MYO9A: variants seen among roughly 807,000 people sequenced by gnomAD.
MYO9A encodes myosin IXA.
In MYO9A, 103 loss-of-function variants were observed where a neutral mutation model predicts 293.3. The observed-to-expected ratio is 0.35, with a 90% CI of 0.30 to 0.41. MYO9A has a LOEUF of 0.41. Among genes scored for constraint, MYO9A ranks in the 10% least tolerant of loss-of-function variants. The probability of loss-of-function intolerance (pLI) is 1.00; values close to 1 mark genes in which losing one functional copy is unlikely to be tolerated. For missense variants in MYO9A, 2,685 were observed against 3,033.0 expected, an observed-to-expected ratio of 0.89 and a Z score of 2.69; for synonymous variants, 1,001 against 1,035.7, an observed-to-expected ratio of 0.97 and a Z score of 0.64.
At chr15:71,975,752 TCTCA>T (rs1443109365) in intron 12 of MYO9A, among the ~76,000 whole-genome samples, 2 of 152,154 alleles carry the variant, frequency 1.3e-5, no homozygotes, top group African/African-American at 2.4e-5. Context: ...TTACTGGGTT[TCTCA>T]CTCAGTCTAT....
chr15:71,836,003 A>C (rs1274685901), intron 39 of MYO9A, among the ~76,000 whole-genome samples: 1 of 152,074 alleles, frequency 6.6e-6, no homozygotes, highest in Non-Finnish European at 1.5e-5. Flanking sequence ...CTTAAACATG[A>C]CTTTAAAAGG....
chr15:71,884,960 T>C (rs1397310688), intron 27 of MYO9A, among the ~76,000 whole-genome samples: 1 of 96,178 alleles, frequency 1.0e-5, no homozygotes, highest in African/African-American at 8.6e-5. Flanking sequence ...TCTTTCTTCC[T>C]TTTTTTTTTT....
At chr15:71,950,709 T>C (rs1170417353) in intron 15 of MYO9A, among the ~76,000 whole-genome samples, 1 of 152,226 alleles carries the variant, frequency 6.6e-6, no homozygotes, top group Admixed American at 6.5e-5. Context: ...AAGACAGCAA[T>C]GGCAATTGAA....
At chr15:71,990,231 T>G (rs974401045) in intron 11 of MYO9A, among the ~76,000 whole-genome samples, 14 of 151,726 alleles carry the variant, frequency 9.2e-5, no homozygotes, top group African/African-American at 3.1e-4. Context: ...ACAACTGGCA[T>G]GCAATACCAC....
At chr15:71,846,130 G>C (rs983464810) in intron 39 of MYO9A, among the ~76,000 whole-genome samples, 3 of 152,182 alleles carry the variant, frequency 2.0e-5, no homozygotes, top group Non-Finnish European at 4.4e-5. Flanking sequence ...GCCAGAAGAT[G>C]TAACCATATC....
rs933294807 is a variant in MYO9A, at chr15:71,824,916, G to GGAGA, written c.*1660_*1663dup. 6.6e-6 allele frequency: 1 copy of GGAGA among 152,132 alleles called. No homozygotes were observed. The highest frequency in any genetic ancestry group is 2.4e-5 in the African/African-American group (1 of 41,422). 9.4% of individuals were successfully genotyped at this position (152,132 alleles called of 1,614,324 possible). A position where few individuals can be genotyped will look rare whatever the true frequency, so the allele number is the denominator to read the frequency against. On this transcript the variant is annotated 3_prime_UTR_variant, in exon 42 of 42. Transcript: ENST00000356056. Reference sequence around the variant, plus strand: ...GCGTGAGGTTCAGTGTTGTGTAACAGGAGAGAGAGACTCTGCCTTAACAAA... The same window carrying GGAGA: ...GCGTGAGGTTCAGTGTTGTGTAACAGGAGAGAGAGAGAGACTCTGCCTTAACAAA...
At chr15:72,028,950 G>T (rs1206202565) in intron 3 of MYO9A, among the ~76,000 whole-genome samples, 1 of 152,212 alleles carries the variant, frequency 6.6e-6, no homozygotes, top group African/African-American at 2.4e-5. Flanking sequence ...AGTAGAGAAA[G>T]GAGATAATCT....
chr15:71,860,936 C>G (rs1312417469), intron 33 of MYO9A, among the ~76,000 whole-genome samples: 1 of 112,158 alleles, frequency 8.9e-6, no homozygotes, highest in East Asian at 3.0e-4. Flanking sequence ...CAATGCACTC[C>G]AGTCTGGGCA....
chr15:72,012,487 G>A (rs1173414555), intron 6 of MYO9A, among the ~76,000 whole-genome samples: 2 of 151,898 alleles, frequency 1.3e-5, no homozygotes, highest in Non-Finnish European at 2.9e-5. Flanking sequence ...TAGTAGAGAC[G>A]GGGTTTTACC....
intron 15 of MYO9A, among the ~76,000 whole-genome samples, chr15:71,950,551 T>C (rs1725557961): frequency 6.6e-6 from 1 of 152,272 alleles, no homozygotes; most frequent in Non-Finnish European, 1.5e-5. Context: ...TGAGGATTTG[T>C]TACATTCCTC....
chr15:72,084,511 A>T (rs760265861), intron 1 of MYO9A, among the ~76,000 whole-genome samples: 13 of 152,276 alleles, frequency 8.5e-5, no homozygotes, highest in Non-Finnish European at 1.8e-4. Flanking sequence ...TGATACTGAC[A>T]TCATGATGTT....
chr15:71,973,798 G>A (rs776098945), intron 12 of MYO9A, among the ~76,000 whole-genome samples: 3 of 152,190 alleles, frequency 2.0e-5, no homozygotes, highest in African/African-American at 4.8e-5. Context: ...TCCATGAAAT[G>A]AGCAGATATG....
chr15:71,893,418 T>G, intron 26 of MYO9A: 1 of 490,720 alleles, frequency 2.0e-6, no homozygotes, highest in Non-Finnish European at 3.6e-6. Context: ...GCCAAAGAAG[T>G]CATCTTTCAC....
At chr15:71,836,277 A>ATATATATATATATATATATATATAT (rs1567181551) in intron 39 of MYO9A, among the ~76,000 whole-genome samples, 9 of 152,066 alleles carry the variant, frequency 5.9e-5, no homozygotes, top group African/African-American at 2.2e-4. Flanking sequence ...ATATATACAC[A>ATATATATATATATATATATATATAT]CACATTATAC....
At chr15:71,860,062 C>G (rs1403587227) in intron 33 of MYO9A, among the ~76,000 whole-genome samples, 1 of 152,128 alleles carries the variant, frequency 6.6e-6, no homozygotes, top group East Asian at 1.9e-4. Context: ...CATCCTGCCC[C>G]TATGCCATAC....
At chr15:72,109,405 T>C (rs28651063) in intron 1 of MYO9A, among the ~76,000 whole-genome samples, 3 of 142,816 alleles carry the variant, frequency 2.1e-5, no homozygotes, top group African/African-American at 8.0e-5. Context: ...AAAAAAAAAA[T>C]ACACACACAC....
chr15:71,883,612 C>T lies in MYO9A; in HGVS notation c.5380G>A (p.Ala1794Thr), dbSNP rs1305066107. 1 of 1,612,696 alleles carries T rather than the reference C, an allele frequency of 6.2e-7. No homozygotes were observed. The highest frequency in any genetic ancestry group is 8.5e-7 in the Non-Finnish European group (1 of 1,179,558). The part of the protein sequence containing the change: ...PLFAGTDVIP[A>T]HQFPDELAAY... ...CTTTTACCATCTGGAAACTGATGAGCTGGAATCACATCTGTGCCTGCAAAG... is the reference window on the plus strand; with the variant it reads ...CTTTTACCATCTGGAAACTGATGAGTTGGAATCACATCTGTGCCTGCAAAG... Residue 1794 changes from alanine to threonine, a missense_variant, in exon 28 of 42, where the codon GCT becomes ACT. Ala to Thr is a moderately conservative substitution (Grantham distance 58). Around this residue, in one of 10 missense-constraint regions of MYO9A, gnomAD observed 1,434 missense variants for 1,497.7 expected, o/e 0.96. Transcript: ENST00000356056.
intron 1 of MYO9A, among the ~76,000 whole-genome samples, chr15:72,073,492 A>G (rs1328370392): frequency 6.6e-6 from 1 of 152,220 alleles, no homozygotes; most frequent in African/African-American, 2.4e-5. Flanking sequence ...AACTTAAAAT[A>G]TATTCCATGG....
chr15:72,118,292 T>C (rs1169639549), upstream of MYO9A: 1 of 273,398 alleles, frequency 3.7e-6, no homozygotes, highest in Non-Finnish European at 6.8e-6. Flanking sequence ...CGCCCAAATT[T>C]TTTCTTCTTC....
Sources: gnomAD v4.1 joint callset for allele counts (sites outside exome capture counted in the v4.1 genomes callset) on GRCh38, gnomAD v4.1.1 for gene constraint, gnomAD v4.1.1 regional missense constraint, MANE v1.5 for transcripts, NCBI Gene and HGNC (gene_info 2026-07-23, HGNC 2026-07-21) for gene names.